STRN3: variants seen among roughly 807,000 people sequenced by gnomAD.
The protein encoded by STRN3 is striatin-3.
STRN3 carries 29 observed loss-of-function variants against 95.6 expected under a neutral mutation model. The observed-to-expected ratio is 0.30, with a 90% CI of 0.23 to 0.41. STRN3 has a LOEUF of 0.41. Ranked by LOEUF, STRN3 falls within the 10% of genes least tolerant of loss-of-function variation. STRN3 has a pLI of 1.00. For synonymous variants in STRN3, 331 were observed against 357.6 expected, an observed-to-expected ratio of 0.93 and a Z score of 0.84; for missense variants, 890 against 972.1, an observed-to-expected ratio of 0.92 and a Z score of 1.12.
In STRN3 at chr14:30,929,967, A is replaced by AAAAAAAAAAAAAAACC. The variant is rs1555317336; in HGVS notation, c.989-657_989-656insGGTTTTTTTTTTTTTT. Among the ~76,000 whole-genome samples, 5 of 91,120 alleles carry AAAAAAAAAAAAAAACC rather than the reference A, an allele frequency of 5.5e-5. 1 individual carries two copies. The highest frequency in any genetic ancestry group is 1.1e-4 in the Non-Finnish European group (5 of 44,138). The allele number at this position is 91,120 out of a possible 152,430, so 59.8% of individuals were successfully genotyped here. On this transcript the variant is annotated intron_variant, in intron 7 of 17. Transcript: ENST00000357479. ...AACTAAGATTAGCAAAAAAAAAAAA[A>AAAAAAAAAAAAAAACC]AAAAAAAAAAAACTCAAATTCCACT...
chr14:30,896,044 C>T (rs937478515), intron 16 of STRN3, among the ~76,000 whole-genome samples: 23 of 152,272 alleles, frequency 1.5e-4, no homozygotes, highest in African/African-American at 5.5e-4. Context: ...CCCCTCCAAC[C>T]CCTGACCACT....
intron 1 of STRN3, among the ~76,000 whole-genome samples, chr14:30,977,530 T>A (rs1283520741): frequency 1.3e-5 from 2 of 151,244 alleles, no homozygotes; most frequent in East Asian, 1.9e-4. Flanking sequence ...ATGCCTGTAA[T>A]CCCAGCACTT....
chr14:30,928,076 A>G (rs1878282676), intron 8 of STRN3, among the ~76,000 whole-genome samples: 1 of 152,156 alleles, frequency 6.6e-6, no homozygotes, highest in Non-Finnish European at 1.5e-5. Context: ...ACACAACCCC[A>G]GCCCAGTATC....
Position 31,026,353 on chromosome 14 carries a change from GC to G in STRN3, c.-169del. ...GGGTCAGAGCAGGGAGCTGCCGGCTGCCGCCATTACAATCCCTCCTCCATCT... is the reference window on the plus strand; with the variant it reads ...GGGTCAGAGCAGGGAGCTGCCGGCTGCGCCATTACAATCCCTCCTCCATCT... On this transcript the variant is annotated 5_prime_UTR_variant, in exon 1 of 18. The change abolishes the stop of an existing upstream ORF in the 5' untranslated region. Transcript: ENST00000357479. 1 of 452,166 alleles carries G rather than the reference GC, an allele frequency of 2.2e-6. No homozygotes were observed. The highest frequency in any genetic ancestry group is 3.3e-6 in the Non-Finnish European group (1 of 305,332). 28.0% of individuals were successfully genotyped at this position (452,166 alleles called of 1,614,324 possible).
intron 9 of STRN3, among the ~76,000 whole-genome samples, chr14:30,916,580 A>C (rs921350895): frequency 6.6e-6 from 1 of 152,058 alleles, no homozygotes; most frequent in Non-Finnish European, 1.5e-5. Flanking sequence ...CGGCCTAAAA[A>C]AAGTAGTTTT....
intron 1 of STRN3, among the ~76,000 whole-genome samples, chr14:30,969,293 C>T (rs185072248): frequency 1.3e-5 from 2 of 151,932 alleles, no homozygotes; most frequent in African/African-American, 4.8e-5. Context: ...CAAAATTAGC[C>T]GGGCATGGTG....
In STRN3 at chr14:30,944,805, T is replaced by C. The variant is rs191849385; in HGVS notation, c.716+2285A>G. ...TTATATTTTTAGTAGAGATGGGGTT[T>C]CACCATGTTGGTCAACAGGCTGGTC... On this transcript the variant is annotated intron_variant, in intron 5 of 17. Coordinates refer to ENST00000357479, the MANE Select transcript of STRN3 (RefSeq NM_001083893.2). Among the ~76,000 whole-genome samples the C allele has an allele frequency of 1.2e-4, 18 of 151,992 alleles. No individual in the cohort carries two copies. In the East Asian group the frequency reaches 3.1e-3, roughly 26 times the overall value.
intron 1 of STRN3, chr14:31,018,770 CA>C: frequency 2.1e-6 from 1 of 469,564 alleles, no homozygotes. Flanking sequence ...AAATCAATAG[CA>C]AAGCAGAGAG....
chr14:30,940,411 C>T (rs560016378), intron 5 of STRN3, among the ~76,000 whole-genome samples: 7 of 152,272 alleles, frequency 4.6e-5, no homozygotes, highest in Admixed American at 1.3e-4. Flanking sequence ...GCTATTAATA[C>T]TTTCACAAAC....
intron 1 of STRN3, among the ~76,000 whole-genome samples, chr14:31,023,660 A>C (rs1883619000): frequency 6.6e-6 from 1 of 152,130 alleles, no homozygotes; most frequent in African/African-American, 2.4e-5. Flanking sequence ...AAATAGGTTT[A>C]AGTTTACAGT....
At chr14:30,960,276 T>C (rs897004868) in intron 1 of STRN3, among the ~76,000 whole-genome samples, 12 of 152,128 alleles carry the variant, frequency 7.9e-5, no homozygotes, top group Admixed American at 2.6e-4. Flanking sequence ...AGGAGGCAGA[T>C]GTTTCAGTGA....
chr14:30,941,934 T>C (rs1879114091), intron 5 of STRN3, among the ~76,000 whole-genome samples: 1 of 152,174 alleles, frequency 6.6e-6, no homozygotes, highest in African/African-American at 2.4e-5. Context: ...CCTGTGCTTC[T>C]TAAATAAACT....
chr14:30,995,608 A>C (rs537263884), intron 1 of STRN3, among the ~76,000 whole-genome samples: 1 of 152,216 alleles, frequency 6.6e-6, no homozygotes, highest in Non-Finnish European at 1.5e-5. Flanking sequence ...AATTAAAACC[A>C]AAACAGCTCA....
At chr14:30,907,893 T>C (rs1021942666) in intron 13 of STRN3, among the ~76,000 whole-genome samples, 4 of 152,220 alleles carry the variant, frequency 2.6e-5, no homozygotes, top group African/African-American at 9.7e-5. Flanking sequence ...CCACTTTCCA[T>C]GAATGGTTCT....
At chr14:30,967,306 T>G (rs1594512200) in intron 1 of STRN3, among the ~76,000 whole-genome samples, 96 of 123,044 alleles carry the variant, frequency 7.8e-4, no homozygotes, top group South Asian at 1.1e-3. Context: ...GAGGCGGTGG[T>G]GGGGAAAGAG....
chr14:30,968,758 A>AC (rs985612907), intron 1 of STRN3, among the ~76,000 whole-genome samples: 2 of 151,844 alleles, frequency 1.3e-5, no homozygotes, highest in African/African-American at 4.8e-5. Context: ...TTGTGGAGAA[A>AC]AAAAAGGTTA....
intron 1 of STRN3, among the ~76,000 whole-genome samples, chr14:30,980,697 G>A (rs943237667): frequency 4.0e-5 from 6 of 151,888 alleles, no homozygotes; most frequent in East Asian, 1.9e-4. Flanking sequence ...CACCGCACCC[G>A]GCCCTATTTT....
chr14:31,015,703 T>C (rs538010420), intron 1 of STRN3, among the ~76,000 whole-genome samples: 2 of 152,222 alleles, frequency 1.3e-5, no homozygotes, highest in South Asian at 2.1e-4. Flanking sequence ...AAGAGCTGTA[T>C]GCTCCTTTTG....
At chr14:31,015,770 T>C (rs1350374408) in intron 1 of STRN3, among the ~76,000 whole-genome samples, 1 of 152,150 alleles carries the variant, frequency 6.6e-6, no homozygotes, top group Non-Finnish European at 1.5e-5. Context: ...AGACATTTAC[T>C]TTTAGAAGTT....
Sources: gnomAD v4.1 joint callset for allele counts (sites outside exome capture counted in the v4.1 genomes callset) on GRCh38, gnomAD v4.1.1 for gene constraint, MANE v1.5 for transcripts, NCBI Gene and HGNC (gene_info 2026-07-23, HGNC 2026-07-21) for gene names.